Variants in AMOTL1 observed in about 807,000 individuals in gnomAD.
AMOTL1 encodes angiomotin-like protein 1.
AMOTL1 carries 45 observed loss-of-function variants against 102.9 expected under a neutral mutation model. That is an observed-to-expected ratio of 0.44 (90% confidence interval 0.34 to 0.56). AMOTL1 has a LOEUF of 0.56. Among genes scored for constraint, AMOTL1 ranks in the 20% least tolerant of loss-of-function variants. The probability of loss-of-function intolerance (pLI) is 0.01; values close to 1 mark genes in which losing one functional copy is unlikely to be tolerated. For synonymous variants in AMOTL1, 481 were observed against 484.7 expected, an observed-to-expected ratio of 0.99 and a Z score of 0.10; for missense variants, 1,114 against 1,225.6, an observed-to-expected ratio of 0.91 and a Z score of 1.36.
At chr11:94,739,917 T>G (rs1324313322) in intron 2 of AMOTL1, among the ~76,000 whole-genome samples, 1 of 152,150 alleles carries the variant, frequency 6.6e-6, no homozygotes, top group Non-Finnish European at 1.5e-5. Flanking sequence ...AATTTACAGT[T>G]CTCAGAGCAT....
intron 1 of AMOTL1, among the ~76,000 whole-genome samples, chr11:94,722,198 A>G (rs1950184927): frequency 6.6e-6 from 1 of 152,110 alleles, no homozygotes; most frequent in Non-Finnish European, 1.5e-5. Flanking sequence ...GAACTAGCAC[A>G]TATCAATGGA....
intron 3 of AMOTL1, among the ~76,000 whole-genome samples, chr11:94,805,488 G>A (rs1379396438): frequency 6.6e-6 from 1 of 152,188 alleles, no homozygotes; most frequent in Non-Finnish European, 1.5e-5. Context: ...TATGGAAGAT[G>A]ATGAATACTA....
rs1039998278 is a variant in AMOTL1, at chr11:94,872,602, GT to G, written c.*1808del. 2.0e-5 allele frequency: 3 copies of G among 152,422 alleles called. No individual in the cohort carries two copies. Among genetic ancestry groups the G allele is most frequent in the African/African-American group, 7.2e-5 (3 of 41,470 alleles). The allele number at this position is 152,422 out of a possible 1,614,324, so 9.4% of individuals were successfully genotyped here. On this transcript the variant is annotated 3_prime_UTR_variant, in exon 13 of 13. Coordinates refer to ENST00000433060, the MANE Select transcript of AMOTL1 (RefSeq NM_130847.3). ...AAATCAGTGGCTTTGGCCAGCCTCT[GT>G]GCCACCCAGTACGACAGAGGAGTGG...
In AMOTL1 at chr11:94,855,131, G is replaced by A. The variant is rs79489639; in HGVS notation, c.1944+1049G>A. Among the ~76,000 whole-genome samples, 456 of 152,326 alleles carry A rather than the reference G, an allele frequency of 3.0e-3. 3 individuals carry two copies. Among genetic ancestry groups the A allele is most frequent in the African/African-American group, 0.01 (434 of 41,562 alleles). On this transcript the variant is annotated intron_variant, in intron 8 of 12. Transcript: ENST00000433060. The stretch of plus-strand genomic sequence containing the variant: ...GGATACCAGGGAAATGCAAGGCAGG[G>A]CCCCATGGAATTATCTACTGGATAG...
At chr11:94,822,085 C>T (rs192037216) in intron 4 of AMOTL1, among the ~76,000 whole-genome samples, 60 of 152,144 alleles carry the variant, frequency 3.9e-4, no homozygotes, top group African/African-American at 1.3e-3. Context: ...GGCTCTTGAC[C>T]GGAGACTCAG....
chr11:94,796,433 C>T (rs1328913374), intron 2 of AMOTL1, among the ~76,000 whole-genome samples: 1 of 152,134 alleles, frequency 6.6e-6, no homozygotes, highest in Non-Finnish European at 1.5e-5. Context: ...ATAAATATAA[C>T]AAACAGAACT....
chr11:94,743,388 C>T (rs549375402), intron 3 of AMOTL1, among the ~76,000 whole-genome samples: 3 of 152,348 alleles, frequency 2.0e-5, no homozygotes, highest in Admixed American at 2.0e-4. Flanking sequence ...CATGACAGGG[C>T]AGCTCTCTGG....
chr11:94,710,852 T>C (rs1327257774), intron 1 of AMOTL1, among the ~76,000 whole-genome samples: 3 of 152,198 alleles, frequency 2.0e-5, no homozygotes, highest in Non-Finnish European at 4.4e-5. Context: ...GACCATGTTT[T>C]CTCATTTCTT....
intron 6 of AMOTL1, among the ~76,000 whole-genome samples, chr11:94,838,699 C>A (rs1036181470): frequency 6.6e-6 from 1 of 152,062 alleles, no homozygotes; most frequent in South Asian, 2.1e-4. Context: ...AAAAGTATTC[C>A]CTAGATCTTA....
intron 3 of AMOTL1, among the ~76,000 whole-genome samples, chr11:94,803,601 A>ACCC (rs1305269390): frequency 3.3e-5 from 5 of 152,050 alleles, no homozygotes; most frequent in African/African-American, 1.2e-4. Context: ...ACCACTCCCA[A>ACCC]CCCCCCAAGC....
rs150740960 is a variant in AMOTL1 at position 94,804,394 on chromosome 11, C to T, written c.1121+4083C>T. 3.3e-5 allele frequency among the ~76,000 whole-genome samples: 5 copies of T among 152,302 alleles called. No individual in the cohort carries two copies. The East Asian group carries it at 7.7e-4, about 23-fold the overall frequency. On this transcript the variant is annotated intron_variant, in intron 3 of 12. Transcript: ENST00000433060. ...CCTCTGCCTCCCAAGCTCAAGTGAT[C>T]CTCCCATCATAGTCTCCCCAGTAGC...
chr11:94,855,799 C>A (rs1215521111), intron 8 of AMOTL1, among the ~76,000 whole-genome samples: 1 of 152,186 alleles, frequency 6.6e-6, no homozygotes, highest in Non-Finnish European at 1.5e-5. Context: ...GCACGCTCAC[C>A]CACACAGTTT....
At chr11:94,861,892 G>A (rs1261465584) in intron 9 of AMOTL1, among the ~76,000 whole-genome samples, 1 of 152,132 alleles carries the variant, frequency 6.6e-6, no homozygotes, top group South Asian at 2.1e-4. Flanking sequence ...ACCCTGTAGT[G>A]GGCAGAGGAG....
At position 94,803,429 on chromosome 11, in the gene AMOTL1, G is replaced by A. The variant is rs1439993828; in HGVS notation, c.1121+3118G>A. Among the ~76,000 whole-genome samples, 4 of 152,324 alleles carry A rather than the reference G, an allele frequency of 2.6e-5. No homozygotes were observed. The South Asian group carries it at 8.3e-4, about 32-fold the overall frequency. ...GCTACTGTGGCTGGTGGGGATGGGA[G>A]TGCTAAGGCAGCAGGGGCCTGCAGG... is the stretch of plus-strand genomic sequence containing the variant. On this transcript the variant is annotated intron_variant, in intron 3 of 12. Coordinates refer to ENST00000433060, the MANE Select transcript of AMOTL1 (RefSeq NM_130847.3).
chr11:94,753,704 A>G (rs552433556), intron 3 of AMOTL1, among the ~76,000 whole-genome samples: 1 of 152,332 alleles, frequency 6.6e-6, no homozygotes, highest in African/African-American at 2.4e-5. Context: ...CCTAACCACC[A>G]TCTTCAGTTC....
chr11:94,741,398 C>G (rs946887554), intron 3 of AMOTL1, among the ~76,000 whole-genome samples: 1 of 152,138 alleles, frequency 6.6e-6, no homozygotes, highest in South Asian at 2.1e-4. Flanking sequence ...GTACCTGGCA[C>G]GAGAAGGACG....
intron 3 of AMOTL1, among the ~76,000 whole-genome samples, chr11:94,805,199 A>T (rs1951547887): frequency 1.3e-5 from 2 of 152,190 alleles, no homozygotes; most frequent in South Asian, 4.1e-4. Flanking sequence ...TATAGAATAT[A>T]TCACATGTGA....
intron 8 of AMOTL1, among the ~76,000 whole-genome samples, chr11:94,858,549 C>T (rs975370210): frequency 6.6e-6 from 1 of 152,190 alleles, no homozygotes; most frequent in Non-Finnish European, 1.5e-5. Flanking sequence ...TCATGTGCCT[C>T]TCACCTTGCA....
chr11:94,737,464 C>G (rs188897692), intron 2 of AMOTL1, among the ~76,000 whole-genome samples: 2 of 152,242 alleles, frequency 1.3e-5, no homozygotes, highest in African/African-American at 4.8e-5. Context: ...GACACTCTCT[C>G]TCCTAGGGGC....
Sources: allele counts gnomAD v4.1 joint callset (sites outside exome capture counted in the v4.1 genomes callset), GRCh38; gene constraint gnomAD v4.1.1; transcripts MANE v1.5; gene names NCBI Gene and HGNC (gene_info 2026-07-23, HGNC 2026-07-21).